ATP13A3: variants seen among roughly 807,000 people sequenced by gnomAD.
ATP13A3 encodes the protein ATPase 13A3.
A neutral mutation model predicts 158.1 loss-of-function variants in ATP13A3; 59 were observed. The ratio of observed to expected loss-of-function variants is 0.37; its 90% CI spans 0.30 to 0.46. The LOEUF (loss-of-function observed/expected upper bound fraction) is 0.46, where lower values mean the gene tolerates loss of function less well. ATP13A3 is among the 20% of genes least tolerant of loss of function. The pLI is 1.00. For missense variants in ATP13A3, 1,166 were observed against 1,525.2 expected (o/e 0.76, Z 3.92); for synonymous variants, 491 against 504.3 (o/e 0.97, Z 0.35).
In ATP13A3 at chr3:194,440,945, A is replaced by G. The variant is rs189404985; in HGVS notation, c.1710+366T>C. 1.5e-3 allele frequency among the ~76,000 whole-genome samples: 235 copies of G among 152,336 alleles called. 2 individuals carry two copies. The Middle Eastern group carries it at 0.034, about 22-fold the overall frequency. On this transcript the variant is annotated intron_variant, in intron 16 of 33. Transcript: ENST00000645319. ...AACAAAAGACAGGTAAAAAAGAGCA[A>G]TGAAGACAAACGACTTTATACACCT...
At chr3:194,406,234 G>A in intron 33 of ATP13A3, 118 bp from the exon 34 acceptor site, 3 of 1,091,842 alleles carry the variant, frequency 2.7e-6, no homozygotes, top group Non-Finnish European at 3.9e-6. Flanking sequence ...TGACTTCTGA[G>A]CACAACGAAT....
At chr3:194,467,242 A>C (rs2109003569) in intron 2 of ATP13A3, among the ~76,000 whole-genome samples, 1 of 152,326 alleles carries the variant, frequency 6.6e-6, no homozygotes, top group East Asian at 1.9e-4. Flanking sequence ...CTTTTTCTCC[A>C]TCTATAGAAG....
At chr3:194,463,827 T>C (rs1359644551) in intron 2 of ATP13A3, among the ~76,000 whole-genome samples, 3 of 152,204 alleles carry the variant, frequency 2.0e-5, no homozygotes, top group African/African-American at 7.2e-5. Flanking sequence ...ATAAAGATTG[T>C]TGAAACTTCT....
intron 30 of ATP13A3, among the ~76,000 whole-genome samples, chr3:194,421,390 A>G (rs1201166636): frequency 1.3e-5 from 2 of 149,516 alleles, no homozygotes; most frequent in African/African-American, 4.9e-5. Context: ...TGTCTCTACT[A>G]AAAACACAAA....
At chr3:194,449,773 C>T (rs1198097925) in intron 11 of ATP13A3, among the ~76,000 whole-genome samples, 2 of 152,128 alleles carry the variant, frequency 1.3e-5, no homozygotes, top group Non-Finnish European at 2.9e-5. Context: ...TGTATCTCCT[C>T]AGTTCAAGAA....
At chr3:194,427,708 C>T (rs1228769030) in intron 28 of ATP13A3, among the ~76,000 whole-genome samples, 2 of 150,932 alleles carry the variant, frequency 1.3e-5, no homozygotes, top group Non-Finnish European at 3.0e-5. Flanking sequence ...AATAGTAAAA[C>T]TAAATATAAA....
In ATP13A3 at chr3:194,462,214, G is replaced by C; in HGVS notation, c.-24C>G. The C allele has an allele frequency of 1.2e-6, 2 of 1,606,902 alleles. No homozygotes were observed. Among genetic ancestry groups the C allele is most frequent in the Non-Finnish European group, 1.7e-6 (2 of 1,173,482 alleles). ...ATACCTACAGTGGATTAAAGGTCCAGTGCTTCAAACAATGGAAGATCACTG... is the reference window on the plus strand; with the variant it reads ...ATACCTACAGTGGATTAAAGGTCCACTGCTTCAAACAATGGAAGATCACTG... On this transcript the variant is annotated 5_prime_UTR_variant, in exon 3 of 34. Coordinates refer to ENST00000645319, the MANE Select transcript of ATP13A3 (RefSeq NM_001367549.1).
rs1721177859 is a variant in ATP13A3, at chr3:194,494,102, C to G, written n.694G>C. The stretch of plus-strand genomic sequence containing the variant: ...AGACACTTTGCTCCAGGGCCAAACT[C>G]TTGACCACTATAACCAAATGAAGCC... On this transcript the variant is annotated non_coding_transcript_exon_variant, in exon 2 of 33. Transcript: ENST00000687055. This position sits in a 1 kb window ranked among gnomAD's most constrained non-coding sequence, Gnocchi z 4.2. 1 of 398,432 alleles carries G rather than the reference C, an allele frequency of 2.5e-6. No individual in the cohort carries two copies. The highest frequency in any genetic ancestry group is 2.1e-5 in the African/African-American group (1 of 48,586). The allele number at this position is 398,432 out of a possible 1,614,324, so 24.7% of individuals were successfully genotyped here.
rs534888302 is a variant in ATP13A3 at position 194,448,591 on chromosome 3, A to G, written c.1016T>C (p.Val339Ala). Residue 339 changes from valine to alanine, a missense_variant, in exon 12 of 34, where the codon GTG (valine) becomes GCG (alanine). This residue lies in a region of ATP13A3 where 997 missense variants were observed against 1,341.2 expected (regional missense o/e 0.74). Transcript: ENST00000645319. This position sits in a 1 kb window ranked among gnomAD's most constrained non-coding sequence, Gnocchi z 4.0. Reference protein sequence around the residue: ...VTKTNLPNPSVDVKGIGDELY... With the variant: ...VTKTNLPNPSADVKGIGDELY... ...TTCATCTCCTATTCCTTTCACATCC[A>G]CTGAAGGATTTGGCAAATTAGTCTT... The G allele has an allele frequency of 2.5e-5, 40 of 1,613,686 alleles. No individual in the cohort carries two copies. The South Asian group carries it at 4.0e-4, about 16-fold the overall frequency.
chr3:194,476,329 A>G (rs1720521442), intron 2 of ATP13A3, among the ~76,000 whole-genome samples: 2 of 152,170 alleles, frequency 1.3e-5, no homozygotes, highest in Non-Finnish European at 2.9e-5. Flanking sequence ...TTTCAGCACT[A>G]ATCTCTCATG....
At chr3:194,477,844 A>G (rs370505571) in intron 2 of ATP13A3, among the ~76,000 whole-genome samples, 1 of 152,192 alleles carries the variant, frequency 6.6e-6, no homozygotes, top group African/African-American at 2.4e-5. Context: ...AGGTAGAGAC[A>G]GAGCTGGGGC....
chr3:194,457,157 A>G lies in ATP13A3; in HGVS notation c.497T>C (p.Val166Ala), dbSNP rs369943069. ...FDFLKGLDEGVSCTSIYEKHS... is the reference protein window; with the variant it reads ...FDFLKGLDEGASCTSIYEKHS... ...CTTTTCATAAATTGACGTACAAGAA[A>G]CACCTTCATCCAGTCCCCTAAATAA... The change falls in exon 7 of 34, where the codon GTT (valine) becomes GCT (alanine). Residue 166 changes from valine (V) to alanine (A), a missense_variant. Transcript: ENST00000645319. The G allele has an allele frequency of 5.6e-6, 9 of 1,613,368 alleles. No homozygotes were observed.
intron 2 of ATP13A3, among the ~76,000 whole-genome samples, chr3:194,479,921 T>G (rs1477823603): frequency 1.3e-5 from 2 of 152,092 alleles, no homozygotes; most frequent in African/African-American, 4.8e-5. Flanking sequence ...ATATCGGAGA[T>G]ACATGAGGTT....
chr3:194,429,610 C>T (rs757877801), intron 27 of ATP13A3, 68 bp downstream of exon 27: 90 of 1,233,698 alleles, frequency 7.3e-5, no homozygotes, highest in Non-Finnish European at 9.4e-5. Context: ...AAATCAAACA[C>T]ATACGCTCAA....
intron 9 of ATP13A3, 172 bp from the exon 10 acceptor site, chr3:194,453,950 A>C (rs1719007671): frequency 1.5e-6 from 1 of 646,844 alleles, no homozygotes; most frequent in Non-Finnish European, 2.7e-6. Context: ...ACAAAACAAG[A>C]AGCACTTTAA....
rs1718585843 is a variant in ATP13A3 at position 194,448,788 on chromosome 3, A to C, written c.971-152T>G. ...TAATCACTGAGAGTTGTATATGTGG[A>C]CAACATGGCTTAATTTTTTGTCTAC... is the stretch of plus-strand genomic sequence containing the variant. On this transcript the variant is annotated intron_variant, in intron 11 of 33. Coordinates refer to ENST00000645319, the MANE Select transcript of ATP13A3 (RefSeq NM_001367549.1). This position sits in a 1 kb window ranked among gnomAD's most constrained non-coding sequence, Gnocchi z 4.0. 2.5e-6 allele frequency: 2 copies of C among 797,444 alleles called. No homozygotes were observed. Among genetic ancestry groups the C allele is most frequent in the South Asian group, 4.6e-5 (2 of 43,762 alleles). 49.4% of individuals were successfully genotyped at this position (797,444 alleles called of 1,614,324 possible). A position where few individuals can be genotyped will look rare whatever the true frequency, so the allele number is the denominator to read the frequency against.
At chr3:194,484,172 CA>C (rs1307112269) in intron 2 of ATP13A3, among the ~76,000 whole-genome samples, 1 of 152,164 alleles carries the variant, frequency 6.6e-6, no homozygotes. Flanking sequence ...CTGTGTTAAG[CA>C]CATTAACACA....
intron 20 of ATP13A3, among the ~76,000 whole-genome samples, chr3:194,435,266 T>C (rs1717541009): frequency 6.6e-6 from 1 of 152,236 alleles, no homozygotes; most frequent in Admixed American, 6.5e-5. Context: ...GCTGTATCAA[T>C]GTGAAGACAA....
intron 2 of ATP13A3, among the ~76,000 whole-genome samples, chr3:194,478,096 A>G (rs1720603066): frequency 1.3e-5 from 2 of 152,290 alleles, no homozygotes; most frequent in Middle Eastern, 3.4e-3. Flanking sequence ...GTTGTCAAGT[A>G]TCCTAATTTT....
Sources: allele counts gnomAD v4.1 joint callset (sites outside exome capture counted in the v4.1 genomes callset), GRCh38; gene constraint gnomAD v4.1.1; regional missense constraint gnomAD v4.1.1; non-coding constraint Gnocchi (gnomAD v3.1); transcripts MANE v1.5; gene names NCBI Gene and HGNC (gene_info 2026-07-23, HGNC 2026-07-21).